The following TECPR2 variants were observed in gnomAD, a reference collection of about 807,000 sequenced individuals.
TECPR2 encodes tectonin beta-propeller repeat-containing protein 2.
A neutral mutation model predicts 138.1 loss-of-function variants in TECPR2; 65 were observed. The ratio of observed to expected loss-of-function variants is 0.47; its 90% confidence interval spans 0.39 to 0.58. The LOEUF is 0.58. Ranked by LOEUF, TECPR2 falls within the 20% of genes least tolerant of loss-of-function variation. The probability of loss-of-function intolerance (pLI) is 0.00; values close to 1 mark genes in which losing one functional copy is unlikely to be tolerated. For missense variants in TECPR2, 1,553 were observed against 1,824.5 expected (o/e 0.85, Z 2.71); for synonymous variants, 746 against 749.8 (o/e 0.99, Z 0.08).
chr14:102,450,786 A>G, intron 15 of TECPR2, 137 bp downstream of exon 15: 1 of 826,958 alleles, frequency 1.2e-6, no homozygotes, highest in Non-Finnish European at 2.0e-6. Context: ...GTCAGAGGCC[A>G]GTAGCCCTTG....
At chr14:102,477,338 C>T (rs1890787028) in intron 17 of TECPR2, among the ~76,000 whole-genome samples, 1 of 151,540 alleles carries the variant, frequency 6.6e-6, no homozygotes, top group African/African-American at 2.4e-5. Flanking sequence ...CCATTGCACT[C>T]CAGCCTGGGC....
At chr14:102,463,006 C>T (rs1890445607) in intron 16 of TECPR2, among the ~76,000 whole-genome samples, 1 of 152,228 alleles carries the variant, frequency 6.6e-6, no homozygotes, top group Admixed American at 6.5e-5. Context: ...CATGATACAA[C>T]TTCACCTCTC....
chr14:102,400,072 G>A (rs57802974), intron 2 of TECPR2, among the ~76,000 whole-genome samples: 38,756 of 143,790 alleles, frequency 0.27, 5,863 homozygotes, highest in East Asian at 0.47. Context: ...TTTAGATGGT[G>A]TCTTGCTCTG....
At chr14:102,485,562 G>A (rs528251018) in intron 17 of TECPR2, among the ~76,000 whole-genome samples, 5 of 152,280 alleles carry the variant, frequency 3.3e-5, no homozygotes, top group African/African-American at 1.2e-4. Flanking sequence ...CTAACGGGGT[G>A]CCCTGGGTCC....
intron 17 of TECPR2, among the ~76,000 whole-genome samples, chr14:102,492,020 G>A (rs1019546783): frequency 2.6e-5 from 4 of 152,204 alleles, no homozygotes; most frequent in Non-Finnish European, 5.9e-5. Context: ...GTGGTATGGT[G>A]TACCATGGAA....
At position 102,431,844 on chromosome 14, in the gene TECPR2, A is replaced by G. The variant is rs2139726660; in HGVS notation, c.1133A>G (p.Gln378Arg). The G allele has an allele frequency of 6.3e-7, 1 of 1,598,196 alleles. No homozygotes were observed. The highest frequency in any genetic ancestry group is 2.3e-5 in the East Asian group (1 of 44,408). ...MSGCSERVHV[Q>R]QAEKLPGATV... ...GGATGCTCAGAGCGTGTCCACGTGCAGCAAGCGGAGAAGCTGCCAGGGGCC... is the reference window on the plus strand; with the variant it reads ...GGATGCTCAGAGCGTGTCCACGTGCGGCAAGCGGAGAAGCTGCCAGGGGCC... Residue 378 changes from glutamine (Q) to arginine (R), a missense_variant, in exon 8 of 20, where the codon CAG becomes CGG. Physicochemically the swap from Gln to Arg is conservative, Grantham distance 43. Transcript: ENST00000359520.
chr14:102,427,706 A>G (rs1889361342), intron 6 of TECPR2, among the ~76,000 whole-genome samples: 1 of 152,280 alleles, frequency 6.6e-6, no homozygotes, highest in East Asian at 1.9e-4. Context: ...TCCTGCAGGA[A>G]TGCACACAGT....
At chr14:102,380,135 G>A (rs1280606504) in intron 2 of TECPR2, among the ~76,000 whole-genome samples, 1 of 148,242 alleles carries the variant, frequency 6.7e-6, no homozygotes, top group Non-Finnish European at 1.5e-5. Context: ...ATGCACAGAG[G>A]CGTCCTGGTC....
intron 17 of TECPR2, among the ~76,000 whole-genome samples, chr14:102,477,775 C>A (rs117115059): frequency 7.7e-6 from 1 of 130,346 alleles, no homozygotes; most frequent in African/African-American, 2.9e-5. Context: ...TTAGCCAGGA[C>A]ATACAAAAAA....
At position 102,498,816 on chromosome 14, in the gene TECPR2, G is replaced by T. The variant is rs1348512293; in HGVS notation, c.*559G>T. 1.7e-6 allele frequency: 1 copy of T among 577,704 alleles called. No individual in the cohort carries two copies. The highest frequency in any genetic ancestry group is 1.6e-5 in the South Asian group (1 of 62,762). The allele number at this position is 577,704 out of a possible 1,614,324, so 35.8% of individuals were successfully genotyped here. A position where few individuals can be genotyped will look rare whatever the true frequency, so the allele number is the denominator to read the frequency against. On this transcript the variant is annotated 3_prime_UTR_variant, in exon 20 of 20. Coordinates refer to ENST00000359520, the MANE Select transcript of TECPR2 (RefSeq NM_014844.5). ...CAGGAAGCTGAGGCCGGGCTTGAGA[G>T]GAGAGCGCTGGCCATGCCAGGAGAG...
chr14:102,487,911 G>A (rs567163908), intron 17 of TECPR2, among the ~76,000 whole-genome samples: 39 of 148,296 alleles, frequency 2.6e-4, no homozygotes, highest in African/African-American at 9.5e-4. Context: ...GCGCGATCTC[G>A]GCTCACCACA....
intron 17 of TECPR2, among the ~76,000 whole-genome samples, chr14:102,482,993 G>A (rs1265191284): frequency 1.3e-5 from 2 of 150,952 alleles, no homozygotes; most frequent in African/African-American, 4.9e-5. Context: ...ACAGGCGCCC[G>A]CTACCACGCC....
intron 17 of TECPR2, among the ~76,000 whole-genome samples, chr14:102,495,570 C>A (rs1374897107): frequency 6.6e-6 from 1 of 152,096 alleles, no homozygotes; most frequent in African/African-American, 2.4e-5. Context: ...GGAGGCCGGG[C>A]GGCTGGGGAA....
At position 102,424,109 on chromosome 14, in the gene TECPR2, G is replaced by A. The variant is rs188710241; in HGVS notation, c.639-870G>A. Among the ~76,000 whole-genome samples, 4 of 152,334 alleles carry A rather than the reference G, an allele frequency of 2.6e-5. No homozygotes were observed. In the East Asian group the frequency reaches 5.8e-4, roughly 22 times the overall value. ...AACAGCATTGAGTGTACTGACAAGC[G>A]TAGGTGGTAGGTACAGCCTACTTCC... On this transcript the variant is annotated intron_variant, in intron 5 of 19. Coordinates refer to ENST00000359520, the MANE Select transcript of TECPR2 (RefSeq NM_014844.5).
In TECPR2 at chr14:102,420,371, G is replaced by A. The variant is rs1359930533; in HGVS notation, c.639-4608G>A. 6.6e-6 allele frequency among the ~76,000 whole-genome samples: 1 copy of A among 152,234 alleles called. No homozygotes were observed. The highest frequency in any genetic ancestry group is 2.4e-5 in the African/African-American group (1 of 41,468). On this transcript the variant is annotated intron_variant, in intron 5 of 19. Coordinates refer to ENST00000359520, the MANE Select transcript of TECPR2 (RefSeq NM_014844.5). This position sits in a 1 kb window ranked among gnomAD's most constrained non-coding sequence, Gnocchi z 4.1. ...CAAGTACTGCAGAATCGCACTGCAA[G>A]TGGATGGTGGCTGAGTCGGGGGCTT...
chr14:102,407,979 A>G (rs1888709407), intron 3 of TECPR2, among the ~76,000 whole-genome samples: 1 of 150,544 alleles, frequency 6.6e-6, no homozygotes, highest in South Asian at 2.1e-4. Flanking sequence ...CCTGGGCGAC[A>G]GAGGGAGACT....
chr14:102,372,465 A>G (rs1010833597), intron 1 of TECPR2, among the ~76,000 whole-genome samples: 1 of 152,002 alleles, frequency 6.6e-6, no homozygotes, highest in African/African-American at 2.4e-5. Flanking sequence ...GGGTTTTTCC[A>G]TGTTGGTCAG....
At chr14:102,479,244 G>C (rs534591877) in intron 17 of TECPR2, among the ~76,000 whole-genome samples, 1 of 152,256 alleles carries the variant, frequency 6.6e-6, no homozygotes, top group African/African-American at 2.4e-5. Context: ...AGGTAAAGAG[G>C]CTTGGCCTAG....
In TECPR2 at chr14:102,501,648, C is replaced by G. The variant is rs910292676; in HGVS notation, c.*3391C>G. On this transcript the variant is annotated 3_prime_UTR_variant, in exon 20 of 20. Coordinates refer to ENST00000359520, the MANE Select transcript of TECPR2 (RefSeq NM_014844.5). Reference sequence around the variant, plus strand: ...ATGGGAATTGATGTTGAATATTTACCTTAAAAACCTATACAACAATAAGAG... The same window carrying G: ...ATGGGAATTGATGTTGAATATTTACGTTAAAAACCTATACAACAATAAGAG... The G allele has an allele frequency of 6.6e-6, 1 of 152,162 alleles. No individual in the cohort carries two copies. Among genetic ancestry groups the G allele is most frequent in the Non-Finnish European group, 1.5e-5 (1 of 68,026 alleles). The allele number at this position is 152,162 out of a possible 1,614,324, so 9.4% of individuals were successfully genotyped here.
Sources: gnomAD v4.1 joint callset for allele counts (sites outside exome capture counted in the v4.1 genomes callset) on GRCh38, gnomAD v4.1.1 for gene constraint, Gnocchi (gnomAD v3.1) non-coding constraint, MANE v1.5 for transcripts, NCBI Gene and HGNC (gene_info 2026-07-23, HGNC 2026-07-21) for gene names.